The following CNTNAP2 variants were observed in gnomAD, a reference collection of about 807,000 sequenced individuals.
CNTNAP2 encodes the protein contactin-associated protein-like 2.
In CNTNAP2, 98 loss-of-function variants were observed where a neutral mutation model predicts 155.2. That is an observed-to-expected ratio of 0.63 (90% confidence interval 0.54 to 0.75). The LOEUF (loss-of-function observed/expected upper bound fraction) is 0.75, where lower values mean the gene tolerates loss of function less well. Among genes scored for constraint, CNTNAP2 ranks in the 30% least tolerant of loss-of-function variants. The pLI is 0.00. For missense variants in CNTNAP2, 1,727 were observed against 1,688.1 expected, an observed-to-expected ratio of 1.02 and a Z score of -0.40; for synonymous variants, 651 against 631.2, an observed-to-expected ratio of 1.03 and a Z score of -0.47.
chr7:146,966,448 C>T (rs978793652), intron 3 of CNTNAP2, among the ~76,000 whole-genome samples: 8 of 152,212 alleles, frequency 5.3e-5, no homozygotes, highest in African/African-American at 1.7e-4. Flanking sequence ...AACCAGCTGC[C>T]GCCTTTGACG....
At chr7:146,590,381 C>T (rs935167824) in intron 1 of CNTNAP2, among the ~76,000 whole-genome samples, 9 of 152,056 alleles carry the variant, frequency 5.9e-5, no homozygotes, top group African/African-American at 1.2e-4. Flanking sequence ...GTTTATCTCC[C>T]GAAGTAGACT....
chr7:147,222,656 A>G (rs554712906), intron 8 of CNTNAP2, among the ~76,000 whole-genome samples: 3 of 152,220 alleles, frequency 2.0e-5, no homozygotes, highest in East Asian at 3.9e-4. Context: ...GCCAGACACA[A>G]TGTACTGGGC....
intron 1 of CNTNAP2, among the ~76,000 whole-genome samples, chr7:146,721,352 CATTCTATATACATTCTATATATA>C (rs1801304502): frequency 1.7e-5 from 2 of 120,684 alleles, no homozygotes; most frequent in African/African-American, 3.2e-5. Flanking sequence ...TCTATATATA[CATTCTATATACATTCTATATATA>C]CATTCTATAT....
intron 1 of CNTNAP2, among the ~76,000 whole-genome samples, chr7:146,210,438 G>A (rs771643241): frequency 1.1e-4 from 16 of 152,032 alleles, no homozygotes; most frequent in Non-Finnish European, 2.1e-4. Flanking sequence ...TGAGCAGCTG[G>A]GACTACAGGC....
intron 1 of CNTNAP2, among the ~76,000 whole-genome samples, chr7:146,630,489 G>A (rs1323457388): frequency 1.3e-5 from 2 of 152,042 alleles, no homozygotes; most frequent in Non-Finnish European, 2.9e-5. Flanking sequence ...AATCCTTTGG[G>A]TATATACCCA....
At chr7:146,633,135 T>A (rs1799536970) in intron 1 of CNTNAP2, among the ~76,000 whole-genome samples, 1 of 152,202 alleles carries the variant, frequency 6.6e-6, no homozygotes, top group Non-Finnish European at 1.5e-5. Flanking sequence ...GCTGGAGGCA[T>A]CCGATCCTGG....
intron 8 of CNTNAP2, among the ~76,000 whole-genome samples, chr7:147,137,834 A>G (rs1801514477): frequency 6.6e-6 from 1 of 151,560 alleles, no homozygotes; most frequent in South Asian, 2.1e-4. Flanking sequence ...AAATAATTGG[A>G]TAGATAAGTA....
chr7:146,335,925 C>T (rs1438032477), intron 1 of CNTNAP2, among the ~76,000 whole-genome samples: 4 of 151,994 alleles, frequency 2.6e-5, no homozygotes, highest in Non-Finnish European at 5.9e-5. Context: ...TTGGCCAGGG[C>T]GCGGTGACCC....
chr7:147,377,218 A>G (rs1163394102), intron 9 of CNTNAP2, among the ~76,000 whole-genome samples: 2 of 150,710 alleles, frequency 1.3e-5, no homozygotes, highest in Non-Finnish European at 3.0e-5. Context: ...TGTCATATCT[A>G]GTATTTTAGG....
At chr7:147,350,528 A>G (rs1317351244) in intron 9 of CNTNAP2, among the ~76,000 whole-genome samples, 2 of 151,910 alleles carry the variant, frequency 1.3e-5, no homozygotes, top group Non-Finnish European at 2.9e-5. Flanking sequence ...TCAAAATAAA[A>G]TTTAATTGAA....
In CNTNAP2 at chr7:147,063,309, T is replaced by G. The variant is rs533777897; in HGVS notation, c.550+19255T>G. 3.1e-4 allele frequency among the ~76,000 whole-genome samples: 47 copies of G among 152,310 alleles called. No individual in the cohort carries two copies. In the South Asian group the frequency reaches 9.7e-3, roughly 32 times the overall value. The stretch of plus-strand genomic sequence containing the variant: ...GTAATAGATATTCTTAAAATAGTTG[T>G]GAAAGAATGAATCCCTCTTTTATCT... On this transcript the variant is annotated intron_variant, in intron 4 of 23. Transcript: ENST00000361727.
At chr7:146,147,733 T>A (rs1797977193) in intron 1 of CNTNAP2, among the ~76,000 whole-genome samples, 1 of 152,176 alleles carries the variant, frequency 6.6e-6, no homozygotes, top group African/African-American at 2.4e-5. Flanking sequence ...TTCTTTATAC[T>A]GTCTGTCTAC....
chr7:146,231,180 A>G (rs1443204669), intron 1 of CNTNAP2, among the ~76,000 whole-genome samples: 1 of 152,174 alleles, frequency 6.6e-6, no homozygotes, highest in Non-Finnish European at 1.5e-5. Flanking sequence ...TACCTCAAGT[A>G]ATGGGGAAAT....
At chr7:147,187,687 G>A (rs896452349) in intron 8 of CNTNAP2, among the ~76,000 whole-genome samples, 1 of 152,098 alleles carries the variant, frequency 6.6e-6, no homozygotes, top group Admixed American at 6.6e-5. Flanking sequence ...CCATACCTTA[G>A]CATCACACTA....
chr7:148,372,028 G>A (rs943059728), intron 21 of CNTNAP2, among the ~76,000 whole-genome samples: 14 of 151,830 alleles, frequency 9.2e-5, no homozygotes, highest in African/African-American at 3.1e-4. Context: ...GTGAAACCCC[G>A]TCTCTAGTAA....
At chr7:147,602,917 C>G (rs1800981794) in intron 12 of CNTNAP2, among the ~76,000 whole-genome samples, 2 of 152,064 alleles carry the variant, frequency 1.3e-5, no homozygotes, top group Admixed American at 1.3e-4. Flanking sequence ...GGTTCCAAGT[C>G]TTTGCTATTG....
At chr7:147,962,860 A>G (rs368866870) in intron 14 of CNTNAP2, among the ~76,000 whole-genome samples, 13 of 152,318 alleles carry the variant, frequency 8.5e-5, no homozygotes, top group East Asian at 1.9e-4. Flanking sequence ...TAAACAGTTT[A>G]ACATCAGAGT....
chr7:148,214,352 C>G (rs1173044543), intron 18 of CNTNAP2, among the ~76,000 whole-genome samples: 1 of 152,146 alleles, frequency 6.6e-6, no homozygotes, highest in Non-Finnish European at 1.5e-5. Flanking sequence ...CTAAATAAAC[C>G]GCCATAACAT....
At chr7:147,650,230 T>C (rs1270145938) in intron 13 of CNTNAP2, among the ~76,000 whole-genome samples, 1 of 152,212 alleles carries the variant, frequency 6.6e-6, no homozygotes, top group Non-Finnish European at 1.5e-5. Flanking sequence ...CATCAGAGTT[T>C]TACAATAAAC....
Sources: allele counts gnomAD v4.1 joint callset (sites outside exome capture counted in the v4.1 genomes callset), GRCh38; gene constraint gnomAD v4.1.1; transcripts MANE v1.5; gene names NCBI Gene and HGNC (gene_info 2026-07-23, HGNC 2026-07-21).